The following EXT1 variants were observed in gnomAD, a reference collection of about 807,000 sequenced individuals.
EXT1 encodes exostosin-1.
Under a neutral mutation model 82.5 loss-of-function variants are expected in EXT1, and 20 were observed. The observed-to-expected ratio is 0.24, with a 90% CI of 0.17 to 0.35. EXT1 has a LOEUF of 0.35. Among genes scored for constraint, EXT1 ranks in the 10% least tolerant of loss-of-function variants. The pLI is 1.00. For missense variants in EXT1, 757 were observed against 936.5 expected (o/e 0.81, Z 2.50); for synonymous variants, 348 against 350.8 (o/e 0.99, Z 0.09).
chr8:117,852,475 GC>G (rs1812472078), intron 1 of EXT1, among the ~76,000 whole-genome samples: 1 of 152,142 alleles, frequency 6.6e-6, no homozygotes, highest in Admixed American at 6.6e-5. Flanking sequence ...AGAAATAAAT[GC>G]CTGTTCATTT....
At chr8:118,094,041 A>C (rs1240366374) in intron 1 of EXT1, among the ~76,000 whole-genome samples, 1 of 152,242 alleles carries the variant, frequency 6.6e-6, no homozygotes, top group East Asian at 1.9e-4. Flanking sequence ...TTGCTAGAAA[A>C]GAAAAATAGT....
chr8:117,923,251 G>A (rs1231826437), intron 1 of EXT1, among the ~76,000 whole-genome samples: 1 of 152,146 alleles, frequency 6.6e-6, no homozygotes, highest in Non-Finnish European at 1.5e-5. Flanking sequence ...AACCTGGGAG[G>A]TGGAGGTTGC....
At chr8:118,097,027 A>G (rs1320249305) in intron 1 of EXT1, among the ~76,000 whole-genome samples, 1 of 152,068 alleles carries the variant, frequency 6.6e-6, no homozygotes, top group Non-Finnish European at 1.5e-5. Flanking sequence ...GTATAATGGT[A>G]CGAGAGCTCA....
chr8:117,945,835 T>C (rs1015796636), intron 1 of EXT1, among the ~76,000 whole-genome samples: 9 of 152,294 alleles, frequency 5.9e-5, no homozygotes, highest in African/African-American at 2.2e-4. Flanking sequence ...GACTTGCCCA[T>C]GAAATTCTAC....
chr8:118,021,919 C>A (rs1816109455), intron 1 of EXT1, among the ~76,000 whole-genome samples: 1 of 152,164 alleles, frequency 6.6e-6, no homozygotes, highest in Non-Finnish European at 1.5e-5. Context: ...GTGAGCAAGT[C>A]CGAATTCCAC....
chr8:117,962,291 G>A (rs11562671), intron 1 of EXT1, among the ~76,000 whole-genome samples: 3,470 of 152,250 alleles, frequency 0.023, 49 homozygotes, highest in Middle Eastern at 0.041. Flanking sequence ...CGTTGCTTCT[G>A]TAAAGTGTGG....
chr8:117,805,149 C>T (rs1823219099), intron 9 of EXT1, among the ~76,000 whole-genome samples: 1 of 152,124 alleles, frequency 6.6e-6, no homozygotes, highest in African/African-American at 2.4e-5. Context: ...TATTATTACT[C>T]CCATTTTACA....
intron 1 of EXT1, among the ~76,000 whole-genome samples, chr8:118,082,166 G>A (rs745414262): frequency 7.2e-5 from 11 of 152,108 alleles, no homozygotes; most frequent in Non-Finnish European, 1.2e-4. Flanking sequence ...CTAGGGGAAG[G>A]GGATGGATTT....
intron 1 of EXT1, among the ~76,000 whole-genome samples, chr8:117,894,126 A>C (rs1349506350): frequency 6.6e-6 from 1 of 151,962 alleles, no homozygotes; most frequent in Non-Finnish European, 1.5e-5. Flanking sequence ...ATAGTTCCTG[A>C]CTAAAATCTG....
At chr8:118,029,292 G>A (rs1031683828) in intron 1 of EXT1, among the ~76,000 whole-genome samples, 2 of 152,132 alleles carry the variant, frequency 1.3e-5, no homozygotes, top group African/African-American at 2.4e-5. Flanking sequence ...CAGACATAGC[G>A]GTGTGCACCT....
chr8:118,023,781 A>T (rs1412807700), intron 1 of EXT1, among the ~76,000 whole-genome samples: 1 of 152,274 alleles, frequency 6.6e-6, no homozygotes, highest in African/African-American at 2.4e-5. Context: ...AGCAGGTAAT[A>T]CATATCCCCA....
At chr8:117,864,573 C>A (rs984421058) in intron 1 of EXT1, among the ~76,000 whole-genome samples, 1 of 142,056 alleles carries the variant, frequency 7.0e-6, no homozygotes, top group Admixed American at 6.7e-5. Flanking sequence ...CACGGTGAAA[C>A]CCCGTCTCTA....
chr8:118,078,904 T>C (rs1183877596), intron 1 of EXT1, among the ~76,000 whole-genome samples: 1 of 152,202 alleles, frequency 6.6e-6, no homozygotes, highest in Non-Finnish European at 1.5e-5. Context: ...CATTCAAATA[T>C]TAAGAACCTA....
chr8:117,949,142 T>G (rs1335496056), intron 1 of EXT1, among the ~76,000 whole-genome samples: 1 of 152,180 alleles, frequency 6.6e-6, no homozygotes, highest in Non-Finnish European at 1.5e-5. Flanking sequence ...AAAAATCTCA[T>G]GCTAACCCTC....
intron 1 of EXT1, among the ~76,000 whole-genome samples, chr8:117,923,577 T>C (rs1813898187): frequency 6.6e-6 from 1 of 150,786 alleles, no homozygotes; most frequent in African/African-American, 2.4e-5. Flanking sequence ...ATACAAAAAA[T>C]TAGCCAGGCA....
At chr8:118,006,806 G>C (rs1815785176) in intron 1 of EXT1, among the ~76,000 whole-genome samples, 1 of 152,176 alleles carries the variant, frequency 6.6e-6, no homozygotes, top group African/African-American at 2.4e-5. Flanking sequence ...CAGGTTGTAA[G>C]AGTGGCCTGA....
intron 1 of EXT1, among the ~76,000 whole-genome samples, chr8:118,054,684 G>T (rs191067944): frequency 5.5e-4 from 83 of 152,124 alleles, no homozygotes; most frequent in Admixed American, 7.9e-4. Flanking sequence ...GGAAAACCAG[G>T]ATTGAAACCC....
In EXT1 at chr8:117,795,554, T is replaced by G. The variant is rs1823078096; in HGVS notation, c.*4158A>C. ...GCTTACACCTGTAATCTCAGCACTT[T>G]GGGAGGCAGAGGCAGGTGGATCACC... On this transcript the variant is annotated 3_prime_UTR_variant, in exon 11 of 11. Transcript: ENST00000378204. The G allele has an allele frequency of 2.0e-5, 3 of 151,454 alleles. No individual in the cohort carries two copies. The highest frequency in any genetic ancestry group is 7.3e-5 in the African/African-American group (3 of 41,170). 9.4% of individuals were successfully genotyped at this position (151,454 alleles called of 1,614,324 possible). A position where few individuals can be genotyped will look rare whatever the true frequency, so the allele number is the denominator to read the frequency against.
rs1267927706 is a variant in EXT1, at chr8:117,798,267, T to C, written c.*1445A>G. The stretch of plus-strand genomic sequence containing the variant: ...AGAGTTTGAGGGAGGGACTCTAAAG[T>C]GCTTATTGTTTATTCAGCATAATAC... On this transcript the variant is annotated 3_prime_UTR_variant, in exon 11 of 11. Transcript: ENST00000378204. The C allele has an allele frequency of 6.6e-6, 1 of 152,196 alleles. No individual in the cohort carries two copies. Among genetic ancestry groups the C allele is most frequent in the Non-Finnish European group, 1.5e-5 (1 of 68,026 alleles). 9.4% of individuals were successfully genotyped at this position (152,196 alleles called of 1,614,324 possible).
Sources: allele counts gnomAD v4.1 joint callset (sites outside exome capture counted in the v4.1 genomes callset), GRCh38; gene constraint gnomAD v4.1.1; transcripts MANE v1.5; gene names NCBI Gene and HGNC (gene_info 2026-07-23, HGNC 2026-07-21).